The following KANSL1 variants were observed in gnomAD, a reference collection of about 807,000 sequenced individuals.
The protein encoded by KANSL1 is KAT8 regulatory NSL complex subunit 1.
In KANSL1, 22 loss-of-function variants were observed where a neutral mutation model predicts 103.6. The observed-to-expected ratio is 0.21, with a 90% CI of 0.15 to 0.30. The LOEUF (loss-of-function observed/expected upper bound fraction) is 0.30, where lower values mean the gene tolerates loss of function less well. Among genes scored for constraint, KANSL1 ranks in the 10% least tolerant of loss-of-function variants. The probability of loss-of-function intolerance (pLI) is 1.00; values close to 1 mark genes in which losing one functional copy is unlikely to be tolerated. For synonymous variants in KANSL1, 600 were observed against 527.6 expected, an observed-to-expected ratio of 1.14 and a Z score of -1.88; for missense variants, 1,337 against 1,399.8, an observed-to-expected ratio of 0.96 and a Z score of 0.72.
In KANSL1 at chr17:46,038,381, T is replaced by C. The variant is rs147877861; in HGVS notation, c.2541+157A>G. The C allele has an allele frequency of 1.3e-5, 10 of 765,232 alleles. No individual in the cohort carries two copies. The African/African-American group carries it at 1.8e-4, about 14-fold the overall frequency. 47.4% of individuals were successfully genotyped at this position (765,232 alleles called of 1,614,324 possible). On this transcript the variant is annotated intron_variant, in intron 10 of 14. Transcript: ENST00000432791. Reference sequence around the variant, plus strand: ...AAGGTCAAGTACCATGACTTTGACTTAAAAATGGTACAGACATACATACAT... The same window carrying C: ...AAGGTCAAGTACCATGACTTTGACTCAAAAATGGTACAGACATACATACAT...
chr17:46,052,964 C>CAAAAAAAAAAAAAAAAAAAAA (rs34473927), intron 6 of KANSL1, among the ~76,000 whole-genome samples: 2 of 33,002 alleles, frequency 6.1e-5, no homozygotes, highest in African/African-American at 1.1e-4. Context: ...ATCCTGTCTC[C>CAAAAAAAAAAAAAAAAAAAAA]AAAAAAAAAA....
chr17:46,143,859 A>G (rs2044559039), intron 2 of KANSL1, among the ~76,000 whole-genome samples: 1 of 151,286 alleles, frequency 6.6e-6, no homozygotes, highest in Admixed American at 6.6e-5. Context: ...AGAAGAGATG[A>G]GAAAATTTGA....
At chr17:46,101,167 G>A (rs557307671) in intron 2 of KANSL1, among the ~76,000 whole-genome samples, 27 of 152,234 alleles carry the variant, frequency 1.8e-4, no homozygotes, top group Admixed American at 8.5e-4. Context: ...CAGTTTTCAG[G>A]GTAAGAGTTA....
intron 4 of KANSL1, among the ~76,000 whole-genome samples, chr17:46,078,185 T>TA (rs1248923046): frequency 6.6e-6 from 1 of 152,220 alleles, no homozygotes; most frequent in Non-Finnish European, 1.5e-5. Context: ...TCCTTAATCC[T>TA]ATGGTGAATG....
intron 7 of KANSL1, among the ~76,000 whole-genome samples, chr17:46,049,005 G>GT (rs2077611182): frequency 6.6e-6 from 1 of 152,144 alleles, no homozygotes. Context: ...CACTCGAAGA[G>GT]TTAGAGGGAA....
At chr17:46,211,654 T>TA (rs2048174244) in intron 1 of KANSL1, among the ~76,000 whole-genome samples, 1 of 152,212 alleles carries the variant, frequency 6.6e-6, no homozygotes, top group Non-Finnish European at 1.5e-5. Flanking sequence ...CACTGGAGAT[T>TA]AAATTAAAAA....
intron 1 of KANSL1, among the ~76,000 whole-genome samples, chr17:46,210,836 G>C (rs1160655086): frequency 6.6e-6 from 1 of 152,210 alleles, no homozygotes; most frequent in Non-Finnish European, 1.5e-5. Context: ...CTTAGAGAAT[G>C]CTTTGGCAAG....
intron 1 of KANSL1, among the ~76,000 whole-genome samples, chr17:46,218,648 T>C (rs1412820119): frequency 6.6e-6 from 1 of 152,036 alleles, no homozygotes; most frequent in Non-Finnish European, 1.5e-5. Context: ...CCGGGCATGC[T>C]GGCATGCGCC....
chr17:46,089,442 T>G (rs564910408), intron 3 of KANSL1, among the ~76,000 whole-genome samples: 1 of 151,694 alleles, frequency 6.6e-6, no homozygotes, highest in African/African-American at 2.4e-5. Flanking sequence ...AAATTAATGT[T>G]AATAAGCAAC....
chr17:46,031,823 G>T, intron 14 of KANSL1, 120 bp from the exon 15 acceptor site: 1 of 1,062,022 alleles, frequency 9.4e-7, no homozygotes, highest in Non-Finnish European at 1.4e-6. Flanking sequence ...GTGTTCCTGC[G>T]ACAGTCTGGG....
At chr17:46,169,562 T>G (rs1326957411) in intron 2 of KANSL1, 1 of 152,260 alleles carries the variant, frequency 6.6e-6, no homozygotes. Context: ...CACCAATTCT[T>G]CCCACATATT....
At chr17:46,141,483 C>T (rs2044419055) in intron 2 of KANSL1, among the ~76,000 whole-genome samples, 1 of 152,224 alleles carries the variant, frequency 6.6e-6, no homozygotes, top group Admixed American at 6.5e-5. Flanking sequence ...ATAAATTCTT[C>T]TATGCAATAC....
chr17:46,068,624 A>C (rs1360841677), intron 4 of KANSL1, among the ~76,000 whole-genome samples: 1 of 152,164 alleles, frequency 6.6e-6, no homozygotes, highest in Non-Finnish European at 1.5e-5. Flanking sequence ...CAGAAAACAA[A>C]GTTAATAAAA....
chr17:46,100,078 C>T (rs2042244115), intron 2 of KANSL1, among the ~76,000 whole-genome samples: 2 of 152,120 alleles, frequency 1.3e-5, no homozygotes, highest in Admixed American at 1.3e-4. Flanking sequence ...TCTTTTTACA[C>T]AGTTAGACTA....
chr17:46,060,657 C>T (rs890111026), intron 6 of KANSL1, among the ~76,000 whole-genome samples: 2 of 152,194 alleles, frequency 1.3e-5, no homozygotes, highest in African/African-American at 4.8e-5. Context: ...AAATTATTAA[C>T]TTTTAATACT....
Position 46,050,665 on chromosome 17 carries a change from T to C in KANSL1, c.1888A>G (p.Asn630Asp). The C allele has an allele frequency of 1.2e-6, 2 of 1,614,126 alleles. No individual in the cohort carries two copies. Among genetic ancestry groups the C allele is most frequent in the Non-Finnish European group, 1.7e-6 (2 of 1,180,000 alleles). ...GAACCACACAGTGCGCAGGAGGGAT[T>C]CACATCACAGCCAGGGCGGATTGTG... ...NSTIRPGCDV[N>D]PSCALCGSGS... The change falls in exon 7 of 15, where the codon AAT becomes GAT. Residue 630 changes from asparagine to aspartate, a missense_variant. Asn to Asp is a conservative substitution (Grantham distance 23). Transcript: ENST00000432791.
chr17:46,055,346 T>C (rs2077884475), intron 6 of KANSL1, among the ~76,000 whole-genome samples: 1 of 151,354 alleles, frequency 6.6e-6, no homozygotes, highest in Non-Finnish European at 1.5e-5. Flanking sequence ...GCGCCTGTAA[T>C]CCCAGCTACT....
At chr17:46,032,618 C>T (rs2077042021) in intron 13 of KANSL1, 2 of 364,468 alleles carry the variant, frequency 5.5e-6, no homozygotes, top group Middle Eastern at 1.4e-3. Flanking sequence ...AGTAAGAGCT[C>T]CCAAAACTTT....
intron 2 of KANSL1, among the ~76,000 whole-genome samples, chr17:46,169,848 A>T (rs1405028530): frequency 6.6e-6 from 1 of 152,254 alleles, no homozygotes; most frequent in African/African-American, 2.4e-5. Context: ...ACCCATAAAA[A>T]GCTTATGTAA....
Sources: gnomAD v4.1 joint callset for allele counts (sites outside exome capture counted in the v4.1 genomes callset) on GRCh38, gnomAD v4.1.1 for gene constraint, MANE v1.5 for transcripts, NCBI Gene and HGNC (gene_info 2026-07-23, HGNC 2026-07-21) for gene names.